Variants in MRPL23 observed in about 807,000 individuals in gnomAD.
MRPL23 encodes large ribosomal subunit protein uL23m.
For missense variants in MRPL23, 25 were observed against 81.3 expected, an observed-to-expected ratio of 0.31 and a Z score of 2.66; for synonymous variants, 12 against 34.8, an observed-to-expected ratio of 0.35 and a Z score of 2.30.
the MRPL23 span, chr11:1,992,155 A>G: frequency 6.4e-4 from 50 of 78,298 alleles, 1 homozygote; most frequent in African/African-American, 1.6e-3. Context: ...TCCGGGCCGG[A>G]CAGGACCCAC....
chr11:1,954,941 C>CT (rs1014257631), intron 4 of MRPL23, among the ~76,000 whole-genome samples: 192 of 3,158 alleles, frequency 0.061, 26 homozygotes, highest in African/African-American at 0.09. Context: ...GGATCAAGGG[C>CT]TTTTTTTTTT....
intron 1 of MRPL23, among the ~76,000 whole-genome samples, chr11:1,948,679 AAGTT>A (rs60831771): frequency 5.0e-5 from 4 of 79,776 alleles, no homozygotes; most frequent in Non-Finnish European, 8.8e-5. Context: ...TTTGAGGAAG[AAGTT>A]AGTGCAGAGT....
At chr11:1,988,675 C>T (rs1221341498), downstream of MRPL23, among the ~76,000 whole-genome samples, 1 of 125,636 alleles carries the variant, frequency 8.0e-6, no homozygotes, top group East Asian at 2.4e-4. Context: ...TTCCCGGCGG[C>T]CCCAGTGGCT....
the MRPL23 span, among the ~76,000 whole-genome samples, chr11:1,991,591 C>CT: frequency 1.5e-5 from 2 of 130,808 alleles, no homozygotes; most frequent in African/African-American, 5.1e-5. Flanking sequence ...CACACACACC[C>CT]GTGCACACCC....
At chr11:1,988,783 A>G (rs1275613910), downstream of MRPL23, among the ~76,000 whole-genome samples, 1 of 141,110 alleles carries the variant, frequency 7.1e-6, no homozygotes, top group East Asian at 2.1e-4. Flanking sequence ...ACCCCGCTCA[A>G]ACATGCTGTG....
intron 5 of MRPL23, chr11:1,983,943 T>A (rs1750773221): frequency 8.3e-6 from 1 of 120,322 alleles, no homozygotes; most frequent in African/African-American, 2.8e-5. Flanking sequence ...CCAAGGCGGG[T>A]GGGGACCGCC....
At chr11:1,991,509 A>G in the MRPL23 span, among the ~76,000 whole-genome samples, 2 of 70,322 alleles carry the variant, frequency 2.8e-5, no homozygotes, top group African/African-American at 7.4e-5. Flanking sequence ...AAGTCACAAG[A>G]TCTCCACTCA....
In MRPL23 at chr11:1,947,396, AC is replaced by A. The variant is rs575316742; in HGVS notation, c.17+24del. On this transcript the variant is annotated intron_variant, in intron 1 of 4. Coordinates refer to ENST00000397298, the MANE Select transcript of MRPL23 (RefSeq NM_021134.4). ...GAATGTGGTGTGAGTAGGGGTCGTCACCCCCCCGTCGCGGGGCGCCCCTTAG... is the reference window on the plus strand; with the variant it reads ...GAATGTGGTGTGAGTAGGGGTCGTCACCCCCCGTCGCGGGGCGCCCCTTAG... 1 of 14,750 alleles carries A rather than the reference AC, an allele frequency of 6.8e-5. No homozygotes were observed. Among genetic ancestry groups the A allele is most frequent in the Non-Finnish European group, 8.1e-5 (1 of 12,334 alleles). 0.9% of individuals were successfully genotyped at this position (14,750 alleles called of 1,614,324 possible).
At chr11:1,991,570 AC>A in the MRPL23 span, among the ~76,000 whole-genome samples, 2 of 124,026 alleles carry the variant, frequency 1.6e-5, no homozygotes, top group African/African-American at 5.2e-5. Context: ...ACACACACAC[AC>A]ACACACACAC....
At chr11:1,992,547 G>A in the MRPL23 span, among the ~76,000 whole-genome samples, 1 of 45,976 alleles carries the variant, frequency 2.2e-5, no homozygotes, top group African/African-American at 4.9e-5. Context: ...CTCCCTGAAC[G>A]GTGGAAGTTC....
intron 5 of MRPL23, chr11:1,983,961 C>G (rs1451576063): frequency 1.7e-5 from 2 of 118,414 alleles, no homozygotes; most frequent in African/African-American, 5.6e-5. Flanking sequence ...GCCCTCCCGA[C>G]GAAGCTTCTT....
At chr11:1,993,462 CAG>C in the MRPL23 span, 1 of 94,880 alleles carries the variant, frequency 1.1e-5, no homozygotes, top group African/African-American at 2.7e-5. Context: ...TTGAAGTGGG[CAG>C]AGTCTTCCAT....
chr11:1,971,632 T>TGCAGCAGCCACCCAACCTTCCTC (rs1856613067), intron 4 of MRPL23, among the ~76,000 whole-genome samples: 1 of 126,732 alleles, frequency 7.9e-6, no homozygotes, highest in African/African-American at 2.7e-5. Flanking sequence ...CCCTCTGCCT[T>TGCAGCAGCCACCCAACCTTCCTC]GCACCAGCCA....
At chr11:1,991,468 CCTT>C in the MRPL23 span, among the ~76,000 whole-genome samples, 1 of 54,004 alleles carries the variant, frequency 1.9e-5, no homozygotes. Context: ...GACCACAGCT[CCTT>C]CTCGAACCTT....
intron 5 of MRPL23, among the ~76,000 whole-genome samples, chr11:1,979,023 G>GTGCTGGT (rs1248934477): frequency 1.4e-5 from 2 of 145,972 alleles, no homozygotes; most frequent in Non-Finnish European, 3.1e-5. Flanking sequence ...CGGCAATAAA[G>GTGCTGGT]TGCTGGTTGC....
chr11:1,971,295 C>G, intron 4 of MRPL23, among the ~76,000 whole-genome samples: 1 of 108,270 alleles, frequency 9.2e-6, no homozygotes, highest in Non-Finnish European at 2.3e-5. Flanking sequence ...AGAGGGCCCC[C>G]CAGTGCGCCC....
chr11:1,988,956 C>T (rs923801571), downstream of MRPL23, among the ~76,000 whole-genome samples: 29 of 142,954 alleles, frequency 2.0e-4, 4 homozygotes, highest in Admixed American at 9.1e-4. Flanking sequence ...TCAGCACACA[C>T]GCTCCCAGGC....
At chr11:1,991,630 T>G in the MRPL23 span, among the ~76,000 whole-genome samples, 5 of 137,430 alleles carry the variant, frequency 3.6e-5, no homozygotes, top group Non-Finnish European at 6.6e-5. Context: ...GCTGGGCCAC[T>G]GGGGGAGACC....
In MRPL23 at chr11:1,949,393, AGT is replaced by A. The variant is rs369962892; in HGVS notation, c.18-1502_18-1501del. 4.2e-4 allele frequency: 24 copies of A among 56,994 alleles called. 4 individuals carry two copies. In the East Asian group the frequency reaches 0.017, roughly 40 times the overall value. 3.5% of individuals were successfully genotyped at this position (56,994 alleles called of 1,614,324 possible). A position where few individuals can be genotyped will look rare whatever the true frequency, so the allele number is the denominator to read the frequency against. On this transcript the variant is annotated intron_variant, in intron 1 of 4. Coordinates refer to ENST00000397298, the MANE Select transcript of MRPL23 (RefSeq NM_021134.4). ...CCCGGCCACCAGGCTGCCATGTGTC[AGT>A]GTGGTCATCAGGAGGCCTGGGGTGG...
Sources: allele counts gnomAD v4.1 joint callset (sites outside exome capture counted in the v4.1 genomes callset), GRCh38; gene constraint gnomAD v4.1.1; transcripts MANE v1.5; gene names NCBI Gene and HGNC (gene_info 2026-07-23, HGNC 2026-07-21).